The following DUSP4 variants were observed in gnomAD, a reference collection of about 807,000 sequenced individuals.
The protein encoded by DUSP4 is dual specificity protein phosphatase 4.
In DUSP4, 12 loss-of-function variants were observed where a neutral mutation model predicts 27.2. The ratio of observed to expected loss-of-function variants is 0.44; its 90% confidence interval spans 0.28 to 0.71. The LOEUF (loss-of-function observed/expected upper bound fraction) is 0.71, where lower values mean the gene tolerates loss of function less well. Among genes scored for constraint, DUSP4 ranks in the 30% least tolerant of loss-of-function variants. The pLI is 0.14. For synonymous variants in DUSP4, 257 were observed against 245.2 expected (o/e 1.05, Z -0.45); for missense variants, 448 against 551.3 (o/e 0.81, Z 1.88).
At chr8:29,348,038 C>T (rs1279885426) in intron 1 of DUSP4, 2 of 985,588 alleles carry the variant, frequency 2.0e-6, no homozygotes, top group South Asian at 4.7e-5. Context: ...CGCTCTAGGG[C>T]GGTCCCCTCG....
Position 29,335,238 on chromosome 8 carries a change from G to T in DUSP4, c.*1788C>A, listed in dbSNP as rs1414668175. ...CCCAAACCCTCCCCACAGAAAACGT[G>T]TCTCCCTCCAAAGCCATTCTCCATT... On this transcript the variant is annotated 3_prime_UTR_variant, in exon 4 of 4. Transcript: ENST00000240100. 1.1e-4 allele frequency: 16 copies of T among 146,352 alleles called. No individual in the cohort carries two copies. Among genetic ancestry groups the T allele is most frequent in the Admixed American group, 2.7e-4 (4 of 14,640 alleles). 9.1% of individuals were successfully genotyped at this position (146,352 alleles called of 1,614,324 possible). A position where few individuals can be genotyped will look rare whatever the true frequency, so the allele number is the denominator to read the frequency against.
At chr8:29,348,602 G>A (rs1817772139) in intron 1 of DUSP4, 20 of 985,442 alleles carry the variant, frequency 2.0e-5, no homozygotes, top group Non-Finnish European at 2.3e-5. Context: ...CCGCTGTCCG[G>A]CAGGGGCGAA....
Position 29,350,415 on chromosome 8 carries a change from C to T in DUSP4, c.-137G>A. On this transcript the variant is annotated 5_prime_UTR_variant, in exon 1 of 4. Transcript: ENST00000240100. ...CCGCAAACTTGGTCCTCAAGGGCTC[C>T]CGCGGGAGAGCCTCTTCTTCCCTGT... 9.9e-7 allele frequency: 1 copy of T among 1,010,584 alleles called. No individual in the cohort carries two copies. The highest frequency in any genetic ancestry group is 1.4e-6 in the Non-Finnish European group (1 of 716,502). The allele number at this position is 1,010,584 out of a possible 1,614,324, so 62.6% of individuals were successfully genotyped here.
chr8:29,338,525 C>T (rs1311280905), intron 2 of DUSP4, 24 bp from the exon 3 acceptor site: 3 of 1,605,210 alleles, frequency 1.9e-6, no homozygotes, highest in African/African-American at 2.7e-5. Context: ...GAAACAAAGG[C>T]CCCTGAATGA....
rs1817581481 is a variant in DUSP4, at chr8:29,336,937, C to T, written c.*89G>A. ...GGGAAGGAGCTCGGTCGCCTGCTCC[C>T]AGCTGCTCAGTCCCAACTTTCTGCC... On this transcript the variant is annotated 3_prime_UTR_variant, in exon 4 of 4. Coordinates refer to ENST00000240100, the MANE Select transcript of DUSP4 (RefSeq NM_001394.7). 1.4e-6 allele frequency: 2 copies of T among 1,442,794 alleles called. No individual in the cohort carries two copies. Among genetic ancestry groups the T allele is most frequent in the Non-Finnish European group, 1.8e-6 (2 of 1,098,460 alleles). 89.4% of individuals were successfully genotyped at this position (1,442,794 alleles called of 1,614,324 possible). A position where few individuals can be genotyped will look rare whatever the true frequency, so the allele number is the denominator to read the frequency against.
rs3182143 is a variant in DUSP4, at chr8:29,350,328, C to T, written c.-50G>A. The T allele has an allele frequency of 0.24, 368,463 of 1,519,748 alleles. 50,446 individuals are homozygous for T. Among genetic ancestry groups the T allele is most frequent in the East Asian group, 0.59 (26,083 of 43,884 alleles). The allele number at this position is 1,519,748 out of a possible 1,614,324, so 94.1% of individuals were successfully genotyped here. A position where few individuals can be genotyped will look rare whatever the true frequency, so the allele number is the denominator to read the frequency against. On this transcript the variant is annotated 5_prime_UTR_variant, in exon 1 of 4. Transcript: ENST00000240100. ...GGCGCGCGAGGAAGAGAAGAGAACC[C>T]GGGCCGCCTAGGCTGCAGAAAGGGG...
rs1006274034 is a variant in DUSP4, at chr8:29,340,325, G to A, written c.434-82C>T. On this transcript the variant is annotated intron_variant, in intron 1 of 3. Transcript: ENST00000240100. Reference sequence around the variant, plus strand: ...AAAGAACTCGACTCCTACAGACTCAGGCGGACTGCTAGGAAGGCAGGGGCT... The same window carrying A: ...AAAGAACTCGACTCCTACAGACTCAAGCGGACTGCTAGGAAGGCAGGGGCT... The A allele has an allele frequency of 5.2e-5, 78 of 1,494,712 alleles. No individual in the cohort carries two copies. In the African/African-American group the frequency reaches 1.0e-3, roughly 20 times the overall value. The allele number at this position is 1,494,712 out of a possible 1,614,324, so 92.6% of individuals were successfully genotyped here.
chr8:29,349,039 G>A (rs1817782405), intron 1 of DUSP4, among the ~76,000 whole-genome samples: 1 of 152,252 alleles, frequency 6.6e-6, no homozygotes, highest in Non-Finnish European at 1.5e-5. Flanking sequence ...AATGTGACAA[G>A]ACAGTCTCGC....
intron 3 of DUSP4, among the ~76,000 whole-genome samples, 153 bp downstream of exon 3, chr8:29,338,129 T>A (rs1415636937): frequency 6.6e-6 from 1 of 151,826 alleles, no homozygotes; most frequent in African/African-American, 2.4e-5. Flanking sequence ...CAACCCAACA[T>A]CCAATGTATA....
rs112601915 is a variant in DUSP4, at chr8:29,344,239, G to A, written c.434-3996C>T. The stretch of plus-strand genomic sequence containing the variant: ...AAATATCCAGGATCTACTTATTTGC[G>A]TGTCAGTTTTGCCAGCTCTGAAGCA... On this transcript the variant is annotated intron_variant, in intron 1 of 3. Transcript: ENST00000240100. Among the ~76,000 whole-genome samples, 770 of 152,246 alleles carry A rather than the reference G, an allele frequency of 5.1e-3. 6 individuals are homozygous for A. Among genetic ancestry groups the A allele is most frequent in the African/African-American group, 0.017 (710 of 41,532 alleles).
chr8:29,343,936 G>GCC (rs1489484153), intron 1 of DUSP4, among the ~76,000 whole-genome samples: 1 of 152,114 alleles, frequency 6.6e-6, no homozygotes, highest in African/African-American at 2.4e-5. Context: ...AAGTACCATA[G>GCC]CCACAGCCCT....
Position 29,337,070 on chromosome 8 carries a change from G to C in DUSP4, c.1141C>G (p.Leu381Val). Residue 381 changes from leucine (L) to valine (V), a missense_variant, in exon 4 of 4, where the codon CTG becomes GTG. By Grantham distance (32) the Leu-to-Val change is conservative. This residue lies in a region of DUSP4 where 100 missense variants were observed against 139.8 expected (regional missense o/e 0.72). Coordinates refer to ENST00000240100, the MANE Select transcript of DUSP4 (RefSeq NM_001394.7). This position sits in a 1 kb window ranked among gnomAD's most constrained non-coding sequence, Gnocchi z 6.4. ...SVGVHSAPSS[L>V]PYLHSPITTS... ...GTGATGGGGCTGTGCAGGTAGGGCA[G>C]GCTGCTGGGGGCCGAGTGCACGCCC... The C allele has an allele frequency of 2.5e-6, 4 of 1,607,180 alleles. No homozygotes were observed. The highest frequency in any genetic ancestry group is 3.4e-6 in the Non-Finnish European group (4 of 1,177,034).
At chr8:29,349,201 G>A (rs1417697443) in intron 1 of DUSP4, among the ~76,000 whole-genome samples, 2 of 152,236 alleles carry the variant, frequency 1.3e-5, no homozygotes, top group African/African-American at 2.4e-5. Context: ...CAGATACCCA[G>A]TCCTTCAGCC....
intron 1 of DUSP4, among the ~76,000 whole-genome samples, chr8:29,344,059 T>A (rs1587049834): frequency 6.6e-6 from 1 of 152,298 alleles, no homozygotes; most frequent in East Asian, 1.9e-4. Context: ...CTAGCAGGTG[T>A]GCAAGGAGAA....
rs115338728 is a variant in DUSP4, at chr8:29,336,808, G to T, written c.*218C>A. 989 of 573,778 alleles carry T rather than the reference G, an allele frequency of 1.7e-3. 11 individuals carry two copies. The highest frequency in any genetic ancestry group is 0.017 in the African/African-American group (864 of 51,518). 35.5% of individuals were successfully genotyped at this position (573,778 alleles called of 1,614,324 possible). ...AAGGTCTTCCCTGGCTGCTGCGGCAGCCGTTATTGCTCTAAGTTGGAGTGT... is the reference window on the plus strand; with the variant it reads ...AAGGTCTTCCCTGGCTGCTGCGGCATCCGTTATTGCTCTAAGTTGGAGTGT... On this transcript the variant is annotated 3_prime_UTR_variant, in exon 4 of 4. Coordinates refer to ENST00000240100, the MANE Select transcript of DUSP4 (RefSeq NM_001394.7).
At chr8:29,345,831 A>G (rs1252701307) in intron 1 of DUSP4, 13 of 1,115,714 alleles carry the variant, frequency 1.2e-5, no homozygotes, top group Non-Finnish European at 1.4e-5. Flanking sequence ...ATGGTGTCTA[A>G]CATAGTGAGT....
Position 29,350,171 on chromosome 8 carries a change from G to A in DUSP4, c.108C>T (p.Thr36=). The change falls in exon 1 of 4, where the codon ACC becomes ACT. Residue 36 remains threonine, a synonymous_variant. Coordinates refer to ENST00000240100, the MANE Select transcript of DUSP4 (RefSeq NM_001394.7). Reference sequence around the variant, plus strand: ...ACTTGCCGCCGCTCGGCAGCCCCAGGGTGCCGTGGCTGCCGCTGCCGCCCG... The same window carrying A: ...ACTTGCCGCCGCTCGGCAGCCCCAGAGTGCCGTGGCTGCCGCTGCCGCCCG... ...GGAGGSGSHG[T]LGLPSGGKCL... The A allele has an allele frequency of 1.9e-6, 3 of 1,608,938 alleles. No individual in the cohort carries two copies. Among genetic ancestry groups the A allele is most frequent in the Non-Finnish European group, 2.5e-6 (3 of 1,178,686 alleles).
At position 29,333,197 on chromosome 8, in the gene DUSP4, G is replaced by A. The variant is rs988392622; in HGVS notation, c.*3829C>T. On this transcript the variant is annotated 3_prime_UTR_variant, in exon 4 of 4. Transcript: ENST00000240100. ...ACTATATACATCCTACAGGAATACA[G>A]GCATTATCAAATGTAGAAATGGTAT... is the stretch of plus-strand genomic sequence containing the variant. 1.3e-5 allele frequency: 2 copies of A among 151,990 alleles called. No homozygotes were observed. The highest frequency in any genetic ancestry group is 2.9e-5 in the Non-Finnish European group (2 of 67,998). 9.4% of individuals were successfully genotyped at this position (151,990 alleles called of 1,614,324 possible). A position where few individuals can be genotyped will look rare whatever the true frequency, so the allele number is the denominator to read the frequency against.
chr8:29,337,460 C>CCCGACCAGGGGCA lies in DUSP4; in HGVS notation c.800-62_800-50dup. ...AGTGCACGTTTCTGCAGACCCCAGC[C>CCCGACCAGGGGCA]CCGACCAGGGGCACCGGCCAGCCCC... On this transcript the variant is annotated intron_variant, in intron 3 of 3. Coordinates refer to ENST00000240100, the MANE Select transcript of DUSP4 (RefSeq NM_001394.7). The surrounding 1 kb of genome is among the most constrained non-coding windows in gnomAD (Gnocchi z 6.4). 1 of 1,534,534 alleles carries CCCGACCAGGGGCA rather than the reference C, an allele frequency of 6.5e-7. No homozygotes were observed. Among genetic ancestry groups the CCCGACCAGGGGCA allele is most frequent in the Admixed American group, 1.9e-5 (1 of 52,740 alleles).
Sources: allele counts gnomAD v4.1 joint callset (sites outside exome capture counted in the v4.1 genomes callset), GRCh38; gene constraint gnomAD v4.1.1; regional missense constraint gnomAD v4.1.1; non-coding constraint Gnocchi (gnomAD v3.1); transcripts MANE v1.5; gene names NCBI Gene and HGNC (gene_info 2026-07-23, HGNC 2026-07-21).